The following TENM2 variants were observed in gnomAD, a reference collection of about 807,000 sequenced individuals.
TENM2 encodes teneurin-2.
A neutral mutation model predicts 245.2 loss-of-function variants in TENM2; 52 were observed. That is an observed-to-expected ratio of 0.21 (90% confidence interval 0.17 to 0.27). The LOEUF (loss-of-function observed/expected upper bound fraction) is 0.27, where lower values mean the gene tolerates loss of function less well. Ranked by LOEUF, TENM2 falls within the 10% of genes least tolerant of loss-of-function variation. TENM2 has a pLI of 1.00. For missense variants in TENM2, 3,046 were observed against 3,666.8 expected (o/e 0.83, Z 4.37); for synonymous variants, 1,363 against 1,438.9 (o/e 0.95, Z 1.19).
intron 2 of TENM2, among the ~76,000 whole-genome samples, chr5:167,687,304 T>C (rs1274841869): frequency 6.6e-6 from 1 of 152,186 alleles, no homozygotes; most frequent in East Asian, 1.9e-4. Flanking sequence ...AAGTATTCAG[T>C]GTAATTGTCA....
chr5:168,043,345 T>C (rs1427268046), intron 5 of TENM2, among the ~76,000 whole-genome samples: 1 of 151,946 alleles, frequency 6.6e-6, no homozygotes. Flanking sequence ...TGCCTCAATC[T>C]CCCAAAGCAC....
At chr5:167,344,282 GCA>G (rs3067278) in intron 1 of TENM2, among the ~76,000 whole-genome samples, 34,534 of 134,210 alleles carry the variant, frequency 0.26, 4,951 homozygotes, top group Non-Finnish European at 0.34. Context: ...GCACGTGCAC[GCA>G]CACACACACA....
chr5:167,352,930 G>T (rs1483726034), intron 1 of TENM2, among the ~76,000 whole-genome samples: 3 of 152,178 alleles, frequency 2.0e-5, no homozygotes, highest in Admixed American at 1.3e-4. Context: ...AGGGGAAAAG[G>T]CAATGTGTCC....
chr5:168,130,024 T>C (rs1476996961), intron 12 of TENM2: 1 of 152,104 alleles, frequency 6.6e-6, no homozygotes, highest in Non-Finnish European at 1.5e-5. Flanking sequence ...TTTCTTGGGG[T>C]CATTGCAAAT....
chr5:167,779,751 C>G (rs1022516448), intron 2 of TENM2, among the ~76,000 whole-genome samples: 4 of 152,172 alleles, frequency 2.6e-5, no homozygotes, highest in Non-Finnish European at 5.9e-5. Flanking sequence ...GAGAGAAAGG[C>G]TTTCTGTAAC....
chr5:167,852,821 G>T (rs2151219378), intron 2 of TENM2, among the ~76,000 whole-genome samples: 1 of 152,284 alleles, frequency 6.6e-6, no homozygotes, highest in African/African-American at 2.4e-5. Context: ...CCATCCTAAT[G>T]TGAGTCCAAT....
the TENM2 span, among the ~76,000 whole-genome samples, chr5:167,177,424 T>A: frequency 6.6e-5 from 10 of 152,222 alleles, no homozygotes; most frequent in Non-Finnish European, 5.9e-5. Flanking sequence ...TTGCAATCCC[T>A]TGTGGGCAAT....
At chr5:168,030,999 A>C (rs1787095692) in intron 5 of TENM2, among the ~76,000 whole-genome samples, 1 of 152,196 alleles carries the variant, frequency 6.6e-6, no homozygotes, top group Admixed American at 6.5e-5. Flanking sequence ...GAAATCATTT[A>C]GAATTTTCCT....
At chr5:167,427,929 C>CGGGAAGGAAGGGAAGGAAGGAAGGAA (rs1763975034) in intron 2 of TENM2, among the ~76,000 whole-genome samples, 1 of 52,918 alleles carries the variant, frequency 1.9e-5, no homozygotes, top group African/African-American at 8.1e-5. Flanking sequence ...GAAGGAAGGA[C>CGGGAAGGAAGGGAAGGAAGGAAGGAA]GGGAAGGAAG....
chr5:168,145,100 G>A (rs1325587046), intron 12 of TENM2, among the ~76,000 whole-genome samples: 3 of 149,692 alleles, frequency 2.0e-5, no homozygotes, highest in African/African-American at 7.3e-5. Flanking sequence ...AGATGAGTAG[G>A]TTGCGAAAAT....
In TENM2 at chr5:167,411,119, G is replaced by A. The variant is rs565337677; in HGVS notation, c.502+35646G>A. 5.3e-5 allele frequency among the ~76,000 whole-genome samples: 8 copies of A among 152,108 alleles called. No homozygotes were observed. In the South Asian group the frequency reaches 1.2e-3, roughly 24 times the overall value. On this transcript the variant is annotated intron_variant, in intron 2 of 28. Coordinates refer to ENST00000518659, the Ensembl canonical transcript of TENM2. Reference sequence around the variant, plus strand: ...ATTAGATGGAGATGCATTCTAAATCGGAATCCACCATTTGCTTAACTGGGA... The same window carrying A: ...ATTAGATGGAGATGCATTCTAAATCAGAATCCACCATTTGCTTAACTGGGA...
In TENM2 at chr5:167,449,563, GATAGATAA is replaced by G. The variant is rs1190789494; in HGVS notation, c.502+74092_502+74099del. On this transcript the variant is annotated intron_variant, in intron 2 of 28. Coordinates refer to ENST00000518659, the Ensembl canonical transcript of TENM2. ...AGATAGATAGATAGATAGATAGATA[GATAGATAA>G]AGACAGTTTTTAAAATAATTGTAGT... is the stretch of plus-strand genomic sequence containing the variant. Among the ~76,000 whole-genome samples the G allele has an allele frequency of 2.1e-3, 242 of 112,954 alleles. 6 individuals carry two copies. In the South Asian group the frequency reaches 0.061, roughly 28 times the overall value. The allele number at this position is 112,954 out of a possible 152,430, so 74.1% of individuals were successfully genotyped here. A position where few individuals can be genotyped will look rare whatever the true frequency, so the allele number is the denominator to read the frequency against.
intron 4 of TENM2, among the ~76,000 whole-genome samples, chr5:167,973,982 A>G (rs897713811): frequency 1.5e-5 from 2 of 134,816 alleles, no homozygotes; most frequent in Non-Finnish European, 3.2e-5. Flanking sequence ...AGTGCCTCTG[A>G]TGGAAGAAGG....
the TENM2 span, among the ~76,000 whole-genome samples, chr5:167,119,789 T>C: frequency 1.3e-5 from 2 of 152,206 alleles, no homozygotes; most frequent in African/African-American, 4.8e-5. Context: ...ACTGTGCTGG[T>C]CGTGGAGGAG....
chr5:167,833,339 A>C (rs1374728086), intron 2 of TENM2, among the ~76,000 whole-genome samples: 2 of 152,222 alleles, frequency 1.3e-5, no homozygotes, highest in Non-Finnish European at 2.9e-5. Flanking sequence ...AATTTCAGAC[A>C]AACAATAGGA....
intron 2 of TENM2, among the ~76,000 whole-genome samples, chr5:167,458,611 G>A (rs1253232484): frequency 2.0e-5 from 3 of 151,640 alleles, no homozygotes; most frequent in Non-Finnish European, 2.9e-5. Context: ...CTGACGTCAT[G>A]CATAGAAAAC....
At chr5:167,166,181 T>C in the TENM2 span, among the ~76,000 whole-genome samples, 2 of 152,222 alleles carry the variant, frequency 1.3e-5, no homozygotes, top group Non-Finnish European at 2.9e-5. Flanking sequence ...GCCAGGCTTA[T>C]GTTTATAAAA....
At chr5:168,172,045 C>T (rs1397242831) in intron 13 of TENM2, among the ~76,000 whole-genome samples, 1 of 152,220 alleles carries the variant, frequency 6.6e-6, no homozygotes, top group East Asian at 1.9e-4. Flanking sequence ...TGGTTCCCTA[C>T]CGGGGCAACT....
intron 13 of TENM2, among the ~76,000 whole-genome samples, chr5:168,166,929 C>A (rs1443624702): frequency 1.3e-5 from 2 of 152,052 alleles, no homozygotes; most frequent in Non-Finnish European, 1.5e-5. Context: ...TCTCCAGACA[C>A]CCCCAGTCAT....
Sources: allele counts gnomAD v4.1 joint callset (sites outside exome capture counted in the v4.1 genomes callset), GRCh38; gene constraint gnomAD v4.1.1; transcripts MANE v1.5; gene names NCBI Gene and HGNC (gene_info 2026-07-23, HGNC 2026-07-21).